Variants in CAMK2D observed in about 807,000 individuals in gnomAD.
CAMK2D encodes calcium/calmodulin-dependent protein kinase type II subunit delta.
CAMK2D carries 37 observed loss-of-function variants against 84.0 expected under a neutral mutation model. The ratio of observed to expected loss-of-function variants is 0.44; its 90% CI spans 0.34 to 0.58. CAMK2D has a LOEUF of 0.58. CAMK2D is among the 20% of genes least tolerant of loss of function. The pLI is 0.02. For synonymous variants in CAMK2D, 202 were observed against 212.5 expected, an observed-to-expected ratio of 0.95 and a Z score of 0.43; for missense variants, 448 against 652.5, an observed-to-expected ratio of 0.69 and a Z score of 3.41.
At chr4:113,576,736 T>C (rs1181367054) in intron 4 of CAMK2D, among the ~76,000 whole-genome samples, 1 of 152,070 alleles carries the variant, frequency 6.6e-6, no homozygotes, top group Non-Finnish European at 1.5e-5. Context: ...AAAGAGAATT[T>C]TGAAAAAAAA....
chr4:113,680,723 G>A (rs1230401321), intron 2 of CAMK2D, among the ~76,000 whole-genome samples: 2 of 152,176 alleles, frequency 1.3e-5, no homozygotes, highest in African/African-American at 2.4e-5. Context: ...TAGAACAAAC[G>A]TTCTTTGTGT....
Position 113,517,580 on chromosome 4 carries a change from T to C in CAMK2D, c.679A>G (p.Lys227Glu). The C allele has an allele frequency of 6.4e-7, 1 of 1,563,484 alleles. No homozygotes were observed. The highest frequency in any genetic ancestry group is 8.8e-7 in the Non-Finnish European group (1 of 1,135,780). ...EDQHRLYQQI[K>E]AGAYDFPSPE... ...TTACATACATCATAAGCTCCAGCCT[T>C]GATCTGCTGATAGAGTCTGTGTTGG... is the stretch of plus-strand genomic sequence containing the variant. Residue 227 changes from lysine (K) to glutamate (E), a missense_variant, in exon 9 of 21, where the codon AAG (lysine) becomes GAG (glutamate). Coordinates refer to ENST00000511664, the MANE Select transcript of CAMK2D (RefSeq NM_001321571.2).
intron 3 of CAMK2D, among the ~76,000 whole-genome samples, chr4:113,644,210 A>G (rs2099142817): frequency 6.6e-6 from 1 of 152,224 alleles, no homozygotes; most frequent in South Asian, 2.1e-4. Context: ...CAATAAAATC[A>G]GAAGAAACAG....
intron 2 of CAMK2D, among the ~76,000 whole-genome samples, chr4:113,680,203 G>A (rs967354999): frequency 5.3e-5 from 8 of 152,152 alleles, no homozygotes; most frequent in African/African-American, 1.2e-4. Flanking sequence ...CTTATAGGGC[G>A]TAAGATATTT....
intron 2 of CAMK2D, among the ~76,000 whole-genome samples, chr4:113,711,843 A>G (rs1000995113): frequency 6.6e-6 from 1 of 152,166 alleles, no homozygotes; most frequent in Non-Finnish European, 1.5e-5. Context: ...GTGATTTCTA[A>G]TTGGTCTCTA....
chr4:113,478,223 C>T (rs1451894865), intron 16 of CAMK2D, among the ~76,000 whole-genome samples: 1 of 152,130 alleles, frequency 6.6e-6, no homozygotes, highest in Admixed American at 6.5e-5. Flanking sequence ...ATTACAACCA[C>T]ACAGCACTTA....
At chr4:113,666,592 C>T (rs556029247) in intron 2 of CAMK2D, among the ~76,000 whole-genome samples, 32 of 151,906 alleles carry the variant, frequency 2.1e-4, no homozygotes, top group Admixed American at 4.6e-4. Flanking sequence ...TGCACACACA[C>T]GCACGCATGC....
At chr4:113,507,297 C>A (rs527581412) in intron 13 of CAMK2D, among the ~76,000 whole-genome samples, 13 of 151,756 alleles carry the variant, frequency 8.6e-5, no homozygotes, top group African/African-American at 3.1e-4. Flanking sequence ...GTTGCCCAGG[C>A]TGGAGTGCCA....
intron 16 of CAMK2D, among the ~76,000 whole-genome samples, chr4:113,475,981 T>C (rs1427946184): frequency 6.6e-6 from 1 of 152,176 alleles, no homozygotes; most frequent in Non-Finnish European, 1.5e-5. Flanking sequence ...TGTTTAAAAC[T>C]ACTAAAGCAT....
At chr4:113,640,942 A>C (rs2099130266) in intron 3 of CAMK2D, among the ~76,000 whole-genome samples, 1 of 152,190 alleles carries the variant, frequency 6.6e-6, no homozygotes, top group South Asian at 2.1e-4. Context: ...ATCCTTTCAG[A>C]TTCTTAAATG....
At chr4:113,703,850 A>G (rs1446768153) in intron 2 of CAMK2D, among the ~76,000 whole-genome samples, 1 of 152,168 alleles carries the variant, frequency 6.6e-6, no homozygotes. Flanking sequence ...TAGAAAGCAC[A>G]AAATGGAGGG....
At chr4:113,530,206 A>G (rs1394731240) in intron 8 of CAMK2D, among the ~76,000 whole-genome samples, 32 of 152,262 alleles carry the variant, frequency 2.1e-4, no homozygotes, top group Admixed American at 2.1e-3. Context: ...TAGTATTTAT[A>G]CATACATAAT....
At chr4:113,526,414 A>ATATG (rs1553930374) in intron 8 of CAMK2D, among the ~76,000 whole-genome samples, 26,965 of 149,364 alleles carry the variant, frequency 0.18, 2,767 homozygotes, top group African/African-American at 0.29. Context: ...GTCATTCTTG[A>ATATG]TGTGTGTGTG....
intron 1 of CAMK2D, 56 bp downstream of exon 1, chr4:113,760,948 C>G (rs1022051634): frequency 6.2e-7 from 1 of 1,611,392 alleles, no homozygotes; most frequent in South Asian, 1.1e-5. Context: ...TCGGGGGCAA[C>G]GCGACCCGCC....
chr4:113,686,101 T>C (rs1228052483), intron 2 of CAMK2D, among the ~76,000 whole-genome samples: 1 of 151,418 alleles, frequency 6.6e-6, no homozygotes, highest in African/African-American at 2.4e-5. Flanking sequence ...AAACGAATAA[T>C]GAATAAATGC....
At chr4:113,641,623 T>C (rs1229303734) in intron 3 of CAMK2D, among the ~76,000 whole-genome samples, 2 of 152,244 alleles carry the variant, frequency 1.3e-5, no homozygotes, top group Admixed American at 6.5e-5. Context: ...ACTGGGAATT[T>C]AGTTTTCTAA....
chr4:113,753,609 G>C (rs1471520161), intron 2 of CAMK2D: 1 of 181,506 alleles, frequency 5.5e-6, no homozygotes, highest in Admixed American at 6.6e-5. Flanking sequence ...TGGAATTAGA[G>C]GAATTTTGTC....
intron 4 of CAMK2D, among the ~76,000 whole-genome samples, chr4:113,573,014 A>G (rs1402751084): frequency 6.6e-6 from 1 of 152,150 alleles, no homozygotes; most frequent in Non-Finnish European, 1.5e-5. Context: ...AACACAAAGA[A>G]GGAAACAACA....
intron 2 of CAMK2D, among the ~76,000 whole-genome samples, chr4:113,735,719 A>C (rs1463898322): frequency 1.3e-5 from 2 of 152,174 alleles, no homozygotes; most frequent in Non-Finnish European, 2.9e-5. Context: ...AGAAACAGTA[A>C]GGTGGCTCAG....
Sources: gnomAD v4.1 joint callset for allele counts (sites outside exome capture counted in the v4.1 genomes callset) on GRCh38, gnomAD v4.1.1 for gene constraint, MANE v1.5 for transcripts, NCBI Gene and HGNC (gene_info 2026-07-23, HGNC 2026-07-21) for gene names.